Variants in AGMO observed in about 807,000 individuals in gnomAD.
AGMO encodes the protein glyceryl-ether monooxygenase.
A neutral mutation model predicts 60.2 loss-of-function variants in AGMO; 75 were observed. That is an observed-to-expected ratio of 1.25 (90% confidence interval 1.03 to 1.51). AGMO has a LOEUF of 1.51. Among genes scored for constraint, AGMO ranks in the 40% most tolerant of loss-of-function variants. The pLI is 0.00. For missense variants in AGMO, 763 were observed against 525.5 expected, an observed-to-expected ratio of 1.45 and a Z score of -4.42; for synonymous variants, 261 against 177.1, an observed-to-expected ratio of 1.47 and a Z score of -3.76.
chr7:15,439,137 A>AC (rs758433433), intron 3 of AGMO, among the ~76,000 whole-genome samples: 51 of 152,148 alleles, frequency 3.4e-4, no homozygotes, highest in Non-Finnish European at 6.3e-4. Flanking sequence ...AGTGGCTCAC[A>AC]CCTGTCATCC....
At chr7:15,202,090 T>C (rs1452689868) in intron 12 of AGMO, among the ~76,000 whole-genome samples, 1 of 151,928 alleles carries the variant, frequency 6.6e-6, no homozygotes, top group Non-Finnish European at 1.5e-5. Context: ...GGTGGTTGGG[T>C]AACTGGAATG....
chr7:15,263,410 A>G (rs1022872112), intron 12 of AGMO, among the ~76,000 whole-genome samples: 4 of 42,676 alleles, frequency 9.4e-5, no homozygotes, highest in Non-Finnish European at 1.5e-4. Flanking sequence ...AATGGGCATA[A>G]TAAAAAAAAT....
chr7:15,118,007 A>G, the AGMO span, among the ~76,000 whole-genome samples: 1 of 152,010 alleles, frequency 6.6e-6, no homozygotes, highest in Admixed American at 6.6e-5. Context: ...AATGCTTTTT[A>G]AATACCTTCA....
At chr7:15,255,691 C>T (rs184292572) in intron 12 of AGMO, among the ~76,000 whole-genome samples, 80 of 152,118 alleles carry the variant, frequency 5.3e-4, no homozygotes, top group Non-Finnish European at 4.3e-4. Context: ...ATCCCAGAGA[C>T]GCATAAATGG....
chr7:15,556,855 T>C (rs1785157387), intron 2 of AGMO, among the ~76,000 whole-genome samples: 1 of 152,068 alleles, frequency 6.6e-6, no homozygotes, highest in African/African-American at 2.4e-5. Context: ...TATATTTTTA[T>C]AAGTAGGACT....
chr7:15,521,932 T>C (rs1283448529), intron 3 of AGMO, among the ~76,000 whole-genome samples: 12 of 152,176 alleles, frequency 7.9e-5, no homozygotes, highest in Admixed American at 7.9e-4. Context: ...ATGATATGAT[T>C]GTATATTTAG....
intron 5 of AGMO, among the ~76,000 whole-genome samples, chr7:15,409,096 A>G (rs1784775748): frequency 6.6e-6 from 1 of 151,956 alleles, no homozygotes; most frequent in Non-Finnish European, 1.5e-5. Flanking sequence ...GGAAGGCGCT[A>G]CACAAAGAAC....
intron 12 of AGMO, among the ~76,000 whole-genome samples, chr7:15,232,526 G>A (rs1782288936): frequency 6.6e-6 from 1 of 152,110 alleles, no homozygotes; most frequent in African/African-American, 2.4e-5. Context: ...ATGGACAAGA[G>A]GATTGGAGAA....
At chr7:15,524,425 C>A (rs927281991) in intron 3 of AGMO, among the ~76,000 whole-genome samples, 1 of 151,932 alleles carries the variant, frequency 6.6e-6, no homozygotes, top group Non-Finnish European at 1.5e-5. Context: ...CTAAGACATA[C>A]CTATGTGCTA....
At chr7:15,140,868 C>T in the AGMO span, among the ~76,000 whole-genome samples, 1 of 152,080 alleles carries the variant, frequency 6.6e-6, no homozygotes, top group African/African-American at 2.4e-5. Flanking sequence ...CTGTAATCCT[C>T]AGGGCCCTTA....
intron 3 of AGMO, among the ~76,000 whole-genome samples, chr7:15,441,806 GAA>G (rs1781565295): frequency 1.3e-5 from 2 of 152,100 alleles, no homozygotes; most frequent in Non-Finnish European, 2.9e-5. Flanking sequence ...GAATTCTTAG[GAA>G]AAGACAGGAA....
chr7:15,370,516 G>GTCC (rs769312118), intron 10 of AGMO, among the ~76,000 whole-genome samples: 1 of 152,300 alleles, frequency 6.6e-6, no homozygotes, highest in South Asian at 2.1e-4. Context: ...CCAACAGTGT[G>GTCC]TATGTGTTCC....
rs60144769 is a variant in AGMO, at chr7:15,407,232, C to CATATATATATATATATATAATATAT, written c.609+11325_609+11326insATATATTATATATATATATATATAT. On this transcript the variant is annotated intron_variant, in intron 5 of 12. Transcript: ENST00000342526. ...TTGAAAGGCCCCTTTCTTTGGAATACATATATATATATATATATGTATATA... is the reference window on the plus strand; with the variant it reads ...TTGAAAGGCCCCTTTCTTTGGAATACATATATATATATATATATAATATATATATATATATATATATATGTATATA... Among the ~76,000 whole-genome samples the CATATATATATATATATATAATATAT allele has an allele frequency of 1.2e-4, 16 of 132,158 alleles. No homozygotes were observed. In the East Asian group the frequency reaches 3.5e-3, roughly 29 times the overall value. The allele number at this position is 132,158 out of a possible 152,430, so 86.7% of individuals were successfully genotyped here.
At chr7:15,372,571 C>T (rs1783263095) in intron 10 of AGMO, among the ~76,000 whole-genome samples, 1 of 152,108 alleles carries the variant, frequency 6.6e-6, no homozygotes, top group Non-Finnish European at 1.5e-5. Flanking sequence ...AATCCCTGCC[C>T]TTGAATTCAT....
intron 3 of AGMO, among the ~76,000 whole-genome samples, chr7:15,519,909 C>G (rs1350636437): frequency 1.3e-5 from 2 of 149,812 alleles, no homozygotes; most frequent in Non-Finnish European, 3.0e-5. Flanking sequence ...ATTCAGGAGA[C>G]CCACCTCACT....
intron 12 of AGMO, among the ~76,000 whole-genome samples, chr7:15,276,464 AT>A (rs1013786062): frequency 6.6e-6 from 1 of 151,486 alleles, no homozygotes; most frequent in Non-Finnish European, 1.5e-5. Context: ...TGCTTTTAAG[AT>A]TTTTTTTCTT....
chr7:15,399,777 A>C (rs1325579382), intron 5 of AGMO, among the ~76,000 whole-genome samples: 1 of 152,160 alleles, frequency 6.6e-6, no homozygotes, highest in Non-Finnish European at 1.5e-5. Context: ...CCCTGACCAA[A>C]AATAAAATGA....
In AGMO at chr7:15,337,595, G is replaced by A. The variant is rs576518171; in HGVS notation, c.1263+27919C>T. On this transcript the variant is annotated intron_variant, in intron 12 of 12. Transcript: ENST00000342526. ...CACTACAACACATATGTAGAGAAGAGGTCATTACAATTCTGCCTGGGAAAA... is the reference window on the plus strand; with the variant it reads ...CACTACAACACATATGTAGAGAAGAAGTCATTACAATTCTGCCTGGGAAAA... Among the ~76,000 whole-genome samples, 4 of 152,264 alleles carry A rather than the reference G, an allele frequency of 2.6e-5. No individual in the cohort carries two copies. In the South Asian group the frequency reaches 8.3e-4, roughly 32 times the overall value.
chr7:15,135,280 T>C, the AGMO span, among the ~76,000 whole-genome samples: 1 of 151,928 alleles, frequency 6.6e-6, no homozygotes, highest in Non-Finnish European at 1.5e-5. Context: ...CAAAGACTCA[T>C]TCTGAAAATG....
Sources: allele counts gnomAD v4.1 joint callset (sites outside exome capture counted in the v4.1 genomes callset), GRCh38; gene constraint gnomAD v4.1.1; transcripts MANE v1.5; gene names NCBI Gene and HGNC (gene_info 2026-07-23, HGNC 2026-07-21).